The following PAPOLG variants were observed in gnomAD, a reference collection of about 807,000 sequenced individuals.
PAPOLG encodes poly(A) polymerase gamma, also known as PAP-gamma.
Under a neutral mutation model 99.0 loss-of-function variants are expected in PAPOLG, and 40 were observed. The ratio of observed to expected loss-of-function variants is 0.40; its 90% CI spans 0.31 to 0.53. The LOEUF is 0.53. PAPOLG is among the 20% of genes least tolerant of loss of function. The pLI is 0.41. For synonymous variants in PAPOLG, 310 were observed against 299.3 expected (o/e 1.04, Z -0.37); for missense variants, 675 against 884.1 (o/e 0.76, Z 3.00).
At chr2:60,787,880 C>T (rs13416936) in intron 15 of PAPOLG, among the ~76,000 whole-genome samples, 35,130 of 151,918 alleles carry the variant, frequency 0.23, 4,629 homozygotes, top group African/African-American at 0.34. Flanking sequence ...GGTGAAACCC[C>T]GTCTCTACTA....
At chr2:60,761,608 G>A (rs546102679) in intron 2 of PAPOLG, 133 bp from the exon 3 acceptor site, 11 of 694,474 alleles carry the variant, frequency 1.6e-5, no homozygotes, top group Admixed American at 3.0e-5. Flanking sequence ...GTCAGTAGAT[G>A]TGATAGCATT....
At position 60,780,702 on chromosome 2, in the gene PAPOLG, G is replaced by A. The variant is rs934818950; in HGVS notation, c.834-5G>A. The A allele has an allele frequency of 1.9e-6, 3 of 1,613,922 alleles. No individual in the cohort carries two copies. Among genetic ancestry groups the A allele is most frequent in the African/African-American group, 2.7e-5 (2 of 75,036 alleles). On this transcript the variant is annotated splice_polypyrimidine_tract_variant and splice_region_variant and intron_variant, in intron 9 of 21. Coordinates refer to ENST00000238714, the MANE Select transcript of PAPOLG (RefSeq NM_022894.4). ...GTGTAAGTTAATTTGCCTTATTCAT[G>A]TCAGGGAATGGCCAAATCCTGTGCT... is the stretch of plus-strand genomic sequence containing the variant.
At chr2:60,782,653 C>CTTTTTTTTTTTT (rs747526129) in intron 11 of PAPOLG, 33 bp from the exon 12 acceptor site, 18 of 1,065,956 alleles carry the variant, frequency 1.7e-5, no homozygotes, top group African/African-American at 2.6e-5. Flanking sequence ...CATTCTTCTT[C>CTTTTTTTTTTTT]TTTTTTTTTT....
At position 60,766,913 on chromosome 2, in the gene PAPOLG, A is replaced by G. The variant is rs117833569; in HGVS notation, c.247-1557A>G. ...CAGGCCCAAGGATCCTTACCTCAGTAGTTAGGGAAGAAGACATTGGCAACT... is the reference window on the plus strand; with the variant it reads ...CAGGCCCAAGGATCCTTACCTCAGTGGTTAGGGAAGAAGACATTGGCAACT... On this transcript the variant is annotated intron_variant, in intron 3 of 21. Transcript: ENST00000238714. Among the ~76,000 whole-genome samples the G allele has an allele frequency of 2.6e-5, 4 of 152,330 alleles. No individual in the cohort carries two copies. The East Asian group carries it at 7.7e-4, about 29-fold the overall frequency.
At chr2:60,790,813 G>A (rs951507482) in intron 15 of PAPOLG, among the ~76,000 whole-genome samples, 3 of 152,222 alleles carry the variant, frequency 2.0e-5, no homozygotes, top group Admixed American at 2.0e-4. Context: ...AGAAGGCCAG[G>A]TGCAGTGGTT....
chr2:60,781,552 G>A (rs928372120), intron 10 of PAPOLG, among the ~76,000 whole-genome samples: 4 of 152,130 alleles, frequency 2.6e-5, no homozygotes, highest in African/African-American at 7.2e-5. Flanking sequence ...AGTGGGTGGT[G>A]AAAAAGGATT....
chr2:60,781,926 C>T lies in PAPOLG; in HGVS notation c.948C>T (p.Thr316=), dbSNP rs747195412. The T allele has an allele frequency of 1.2e-6, 2 of 1,613,602 alleles. No homozygotes were observed. The highest frequency in any genetic ancestry group is 2.7e-5 in the African/African-American group (2 of 74,888). ...SDRYHLMPII[T]PAYPQQNSTY... is the part of the protein sequence containing the mutation. ...GGTATCATCTCATGCCCATAATCAC[C>T]CCTGCCTACCCACAACAGAATTCTA... Residue 316 remains threonine (T), a synonymous_variant, in exon 11 of 22, where the codon ACC becomes ACT. Coordinates refer to ENST00000238714, the MANE Select transcript of PAPOLG (RefSeq NM_022894.4).
chr2:60,787,400 C>G (rs1671396360), intron 14 of PAPOLG, 111 bp from the exon 15 acceptor site: 1 of 1,325,598 alleles, frequency 7.5e-7, no homozygotes, highest in Non-Finnish European at 1.0e-6. Context: ...CCACTGAAAT[C>G]TGTATTTGTG....
At chr2:60,796,020 G>C (rs149179897) in intron 21 of PAPOLG, among the ~76,000 whole-genome samples, 2 of 151,950 alleles carry the variant, frequency 1.3e-5, no homozygotes, top group East Asian at 3.9e-4. Context: ...CTGAAACTTG[G>C]TTTTGGCATT....
At position 60,797,228 on chromosome 2, in the gene PAPOLG, TA is replaced by T; in HGVS notation, c.*71del. On this transcript the variant is annotated 3_prime_UTR_variant, in exon 22 of 22. Coordinates refer to ENST00000238714, the MANE Select transcript of PAPOLG (RefSeq NM_022894.4). ...GGCATAGATGCAGCCACTTGTTTTT[TA>T]AATAGAAGTGGCTGTCATACGTGAA... 11 of 1,552,010 alleles carry T rather than the reference TA, an allele frequency of 7.1e-6. No individual in the cohort carries two copies. Among genetic ancestry groups the T allele is most frequent in the Non-Finnish European group, 9.8e-6 (11 of 1,126,424 alleles).
At chr2:60,758,422 A>ATTTT (rs11340370) in intron 1 of PAPOLG, among the ~76,000 whole-genome samples, 50 of 70,076 alleles carry the variant, frequency 7.1e-4, no homozygotes, top group Non-Finnish European at 1.2e-3. Flanking sequence ...GCCTAATGAG[A>ATTTT]TTTTTTTTTT....
intron 1 of PAPOLG, 128 bp downstream of exon 1, chr2:60,756,623 C>T: frequency 1.9e-6 from 2 of 1,068,426 alleles, no homozygotes; most frequent in Non-Finnish European, 2.6e-6. Flanking sequence ...GTCTCCTTCC[C>T]GGCTCCCGGC....
chr2:60,776,863 C>G (rs1467789615), intron 8 of PAPOLG, among the ~76,000 whole-genome samples: 3 of 152,242 alleles, frequency 2.0e-5, no homozygotes, highest in Admixed American at 6.5e-5. Flanking sequence ...AAGGCTGTTT[C>G]ATCTACATTG....
chr2:60,774,597 C>G (rs1670962554), intron 7 of PAPOLG, among the ~76,000 whole-genome samples: 1 of 152,152 alleles, frequency 6.6e-6, no homozygotes, highest in South Asian at 2.1e-4. Flanking sequence ...AGCGCCTGAC[C>G]TCAGGTGATC....
At chr2:60,794,514 C>G in intron 19 of PAPOLG, 196 bp from the exon 20 acceptor site, 1 of 598,904 alleles carries the variant, frequency 1.7e-6, no homozygotes, top group Non-Finnish European at 2.9e-6. Context: ...TTGATTTAAC[C>G]AAAAAGATCA....
chr2:60,784,253 G>A (rs2103807310), intron 13 of PAPOLG, among the ~76,000 whole-genome samples: 1 of 152,338 alleles, frequency 6.6e-6, no homozygotes, highest in East Asian at 1.9e-4. Flanking sequence ...TTACAGGCGT[G>A]AGCCACCACA....
chr2:60,766,479 A>G (rs4672402), intron 3 of PAPOLG, among the ~76,000 whole-genome samples: 2 of 152,072 alleles, frequency 1.3e-5, no homozygotes, highest in Non-Finnish European at 2.9e-5. Context: ...GCCTGGGCAA[A>G]AAAGCAAGAC....
chr2:60,782,795 T>C, intron 12 of PAPOLG, 25 bp downstream of exon 12: 1 of 1,542,108 alleles, frequency 6.5e-7, no homozygotes, highest in Middle Eastern at 1.7e-4. Context: ...GTATTTTGTA[T>C]GTATGTGATT....
chr2:60,783,234 T>C (rs778278047), intron 13 of PAPOLG, 25 bp downstream of exon 13: 23 of 1,458,776 alleles, frequency 1.6e-5, no homozygotes, highest in Non-Finnish European at 2.1e-5. Context: ...TCAAGTTTTC[T>C]ACCTACTGTG....
Sources: allele counts gnomAD v4.1 joint callset (sites outside exome capture counted in the v4.1 genomes callset), GRCh38; gene constraint gnomAD v4.1.1; transcripts MANE v1.5; gene names NCBI Gene and HGNC (gene_info 2026-07-23, HGNC 2026-07-21).